Variants in PLXNA4 observed in about 807,000 individuals in gnomAD.
PLXNA4 encodes plexin A4, also known as plexin-A4.
Under a neutral mutation model 191.8 loss-of-function variants are expected in PLXNA4, and 44 were observed. The ratio of observed to expected loss-of-function variants is 0.23; its 90% CI spans 0.18 to 0.29. PLXNA4 has a LOEUF of 0.29. Among genes scored for constraint, PLXNA4 ranks in the 10% least tolerant of loss-of-function variants. The pLI, the probability that PLXNA4 is intolerant of heterozygous loss-of-function variation, is 1.00. For missense variants in PLXNA4, 1,800 were observed against 2,488.8 expected, an observed-to-expected ratio of 0.72 and a Z score of 5.89; for synonymous variants, 1,082 against 1,009.5, an observed-to-expected ratio of 1.07 and a Z score of -1.36.
At chr7:132,227,337 CCTCTGA>C in intron 7 of PLXNA4, 108 bp downstream of exon 7, 1 of 1,413,442 alleles carries the variant, frequency 7.1e-7, no homozygotes, top group East Asian at 2.5e-5. Flanking sequence ...CATGCCCCTT[CCTCTGA>C]CTCTCTCCTG....
At position 132,163,260 on chromosome 7, in the gene PLXNA4, G is replaced by A. The variant is rs78566931; in HGVS notation, c.4500+882C>T. ...GACAGTGAGCAGCGAGTGGACGCAC[G>A]GTGACAGTGGGGAGAGGCAAGCGGG... On this transcript the variant is annotated intron_variant, in intron 24 of 31. Transcript: ENST00000321063. Among the ~76,000 whole-genome samples, 747 of 152,326 alleles carry A rather than the reference G, an allele frequency of 4.9e-3. 5 individuals are homozygous for A. The highest frequency in any genetic ancestry group is 0.017 in the African/African-American group (715 of 41,582).
At chr7:132,432,358 T>C (rs112656310) in intron 3 of PLXNA4, among the ~76,000 whole-genome samples, 2 of 152,160 alleles carry the variant, frequency 1.3e-5, no homozygotes, top group African/African-American at 4.8e-5. Flanking sequence ...AGAAAATAAA[T>C]GTGTTTCTGT....
chr7:132,221,276 G>A (rs940845387), intron 9 of PLXNA4, among the ~76,000 whole-genome samples: 2 of 152,148 alleles, frequency 1.3e-5, no homozygotes, highest in Non-Finnish European at 2.9e-5. Flanking sequence ...TTCTTGCAAG[G>A]TAATTAAATG....
chr7:132,336,610 T>C (rs1173704188), intron 3 of PLXNA4, among the ~76,000 whole-genome samples: 3 of 152,112 alleles, frequency 2.0e-5, no homozygotes, highest in Non-Finnish European at 2.9e-5. Flanking sequence ...AGGTGCTTGG[T>C]TCCAGAACCT....
chr7:132,635,836 A>C (rs925853852), intron 2 of PLXNA4, among the ~76,000 whole-genome samples: 1 of 152,228 alleles, frequency 6.6e-6, no homozygotes, highest in African/African-American at 2.4e-5. Flanking sequence ...AGGAAGTTCC[A>C]CGTTTAATAC....
intron 6 of PLXNA4, 86 bp from the exon 7 acceptor site, chr7:132,227,690 T>TGA: frequency 6.5e-7 from 1 of 1,537,562 alleles, no homozygotes; most frequent in Non-Finnish European, 8.9e-7. Context: ...AGTGGGAGAG[T>TGA]GAGAGAGATC....
At chr7:132,196,200 A>G (rs926268498) in intron 13 of PLXNA4, among the ~76,000 whole-genome samples, 25 of 152,244 alleles carry the variant, frequency 1.6e-4, no homozygotes, top group Admixed American at 1.6e-3. Context: ...TTCACCCAGT[A>G]AGTAAGTGGC....
chr7:132,126,521 T>A lies in PLXNA4; in HGVS notation c.*3958A>T, dbSNP rs551316811. On this transcript the variant is annotated 3_prime_UTR_variant, in exon 32 of 32. Coordinates refer to ENST00000321063, the MANE Select transcript of PLXNA4 (RefSeq NM_020911.2). ...AACGGGAGACACGGTACCAGGGACC[T>A]GGTTGCATGGGGGAGGTGGAGATGC... 2 of 151,722 alleles carry A rather than the reference T, an allele frequency of 1.3e-5. No individual in the cohort carries two copies. The highest frequency in any genetic ancestry group is 3.9e-4 in the East Asian group (2 of 5,180). 9.4% of individuals were successfully genotyped at this position (151,722 alleles called of 1,614,324 possible).
upstream of PLXNA4, among the ~76,000 whole-genome samples, chr7:132,578,115 TA>T (rs1802327785): frequency 6.6e-6 from 1 of 152,168 alleles, no homozygotes; most frequent in Non-Finnish European, 1.5e-5. Flanking sequence ...AGCTCTGGTT[TA>T]GGCAGTGAAG....
At chr7:132,436,837 C>T (rs750577205) in intron 3 of PLXNA4, among the ~76,000 whole-genome samples, 14 of 148,268 alleles carry the variant, frequency 9.4e-5, no homozygotes, top group Admixed American at 3.9e-4. Flanking sequence ...AGCTGGGATG[C>T]GGTCCCTGTT....
chr7:132,495,533 A>T lies in PLXNA4; in HGVS notation c.1189-6059T>A, dbSNP rs545896483. Among the ~76,000 whole-genome samples the T allele has an allele frequency of 3.9e-5, 6 of 152,288 alleles. No individual in the cohort carries two copies. In the South Asian group the frequency reaches 1.2e-3, roughly 32 times the overall value. On this transcript the variant is annotated intron_variant, in intron 2 of 31. Transcript: ENST00000321063. ...TGCCCTGCTGCTCTGGGGCAGCAGC[A>T]GCCATCTGAGCCCCAGGATGGAAGA...
At chr7:132,304,987 C>T (rs193175857) in intron 3 of PLXNA4, among the ~76,000 whole-genome samples, 151 of 152,336 alleles carry the variant, frequency 9.9e-4, no homozygotes, top group African/African-American at 3.4e-3. Flanking sequence ...TTGATGCACC[C>T]ATGCCTTCTC....
chr7:132,621,245 T>TG (rs1310518726), intron 2 of PLXNA4, among the ~76,000 whole-genome samples: 57 of 119,432 alleles, frequency 4.8e-4, no homozygotes, highest in Admixed American at 6.9e-4. Flanking sequence ...GGTTTTTTTT[T>TG]GTTTTTTTTT....
intron 9 of PLXNA4, among the ~76,000 whole-genome samples, chr7:132,223,108 C>A (rs943827486): frequency 2.6e-5 from 4 of 152,238 alleles, no homozygotes; most frequent in African/African-American, 9.6e-5. Flanking sequence ...CTCCCTTTTA[C>A]TCAGCTTGCC....
At chr7:132,229,282 G>C (rs1798442277) in intron 5 of PLXNA4, among the ~76,000 whole-genome samples, 1 of 152,170 alleles carries the variant, frequency 6.6e-6, no homozygotes, top group African/African-American at 2.4e-5. Flanking sequence ...AAAGTGTATG[G>C]TGTCACAAGT....
At position 132,129,161 on chromosome 7, in the gene PLXNA4, C is replaced by A. The variant is rs1794857992; in HGVS notation, c.*1318G>T. ...GCTCGACTCTTTGTCCCTCCCAGAT[C>A]TGACAAGCTGGAGGCTGAGGTTGGC... On this transcript the variant is annotated 3_prime_UTR_variant, in exon 32 of 32. Coordinates refer to ENST00000321063, the MANE Select transcript of PLXNA4 (RefSeq NM_020911.2). 6.6e-6 allele frequency: 1 copy of A among 152,266 alleles called. No individual in the cohort carries two copies. Among genetic ancestry groups the A allele is most frequent in the African/African-American group, 2.4e-5 (1 of 41,468 alleles). 9.4% of individuals were successfully genotyped at this position (152,266 alleles called of 1,614,324 possible). A position where few individuals can be genotyped will look rare whatever the true frequency, so the allele number is the denominator to read the frequency against.
intron 10 of PLXNA4, among the ~76,000 whole-genome samples, chr7:132,209,435 C>G (rs1233017308): frequency 6.6e-6 from 1 of 152,214 alleles, no homozygotes; most frequent in African/African-American, 2.4e-5. Context: ...TGGGGCTGAT[C>G]TGCTTGAACT....
intron 2 of PLXNA4, among the ~76,000 whole-genome samples, chr7:132,612,495 C>T (rs1803069485): frequency 6.6e-6 from 1 of 151,924 alleles, no homozygotes; most frequent in Non-Finnish European, 1.5e-5. Flanking sequence ...ACCTCCATCT[C>T]TACTGAAAAA....
chr7:132,398,692 G>A (rs1183727007), intron 3 of PLXNA4, among the ~76,000 whole-genome samples: 10 of 152,310 alleles, frequency 6.6e-5, no homozygotes, highest in South Asian at 6.2e-4. Context: ...AGCCTCTTTC[G>A]GCCCAATAGG....
Sources: allele counts gnomAD v4.1 joint callset (sites outside exome capture counted in the v4.1 genomes callset), GRCh38; gene constraint gnomAD v4.1.1; transcripts MANE v1.5; gene names NCBI Gene and HGNC (gene_info 2026-07-23, HGNC 2026-07-21).